Variants in IARS1 observed in about 807,000 individuals in gnomAD.
IARS1 encodes isoleucine--tRNA ligase, cytoplasmic.
A neutral mutation model predicts 168.2 loss-of-function variants in IARS1; 124 were observed. That is an observed-to-expected ratio of 0.74 (90% CI 0.64 to 0.86). IARS1 has a LOEUF of 0.86. Ranked by LOEUF, IARS1 falls within the 40% of genes least tolerant of loss-of-function variation. The pLI is 0.00. For synonymous variants in IARS1, 532 were observed against 529.4 expected, an observed-to-expected ratio of 1.00 and a Z score of -0.07; for missense variants, 1,452 against 1,515.8, an observed-to-expected ratio of 0.96 and a Z score of 0.70.
intron 6 of IARS1, among the ~76,000 whole-genome samples, chr9:92,282,075 C>A (rs886870377): frequency 6.6e-6 from 1 of 152,088 alleles, no homozygotes; most frequent in South Asian, 2.1e-4. Flanking sequence ...TTTTCTAACT[C>A]CAGTTATTTC....
intron 13 of IARS1, among the ~76,000 whole-genome samples, chr9:92,268,698 C>G (rs768775560): frequency 6.6e-6 from 1 of 152,234 alleles, no homozygotes; most frequent in Non-Finnish European, 1.5e-5. Context: ...GGTAGCTGCT[C>G]TAGCAGCCCT....
rs749705024 is a variant in IARS1, at chr9:92,286,615, T to C, written c.400A>G (p.Thr134Ala). ...ATCCATCGGCCAAGTCTGCTAACAG[T>C]AGACTTTAAAATATTAATATTAGAA... ...VMRYSAEWKS[T>A]VSRLGRWIDF... Residue 134 changes from threonine to alanine, a missense_variant, in exon 5 of 34, where the codon ACT (threonine) becomes GCT (alanine). Coordinates refer to ENST00000443024, the MANE Select transcript of IARS1 (RefSeq NM_002161.6). 11 of 1,511,438 alleles carry C rather than the reference T, an allele frequency of 7.3e-6. No homozygotes were observed. The highest frequency in any genetic ancestry group is 1.8e-6 in the Non-Finnish European group (2 of 1,087,172). 93.6% of individuals were successfully genotyped at this position (1,511,438 alleles called of 1,614,324 possible).
intron 17 of IARS1, among the ~76,000 whole-genome samples, chr9:92,261,317 GAA>G (rs71362375): frequency 6.7e-6 from 1 of 149,332 alleles, no homozygotes; most frequent in Non-Finnish European, 1.5e-5. Context: ...TCAAAAAAAA[GAA>G]AAAAAAAGCC....
chr9:92,233,272 T>C (rs1826993503), intron 30 of IARS1, among the ~76,000 whole-genome samples: 1 of 152,250 alleles, frequency 6.6e-6, no homozygotes, highest in Non-Finnish European at 1.5e-5. Context: ...AAATGCTGTA[T>C]ACCACAGAAA....
At chr9:92,213,594 G>C (rs1024497131) in intron 33 of IARS1, among the ~76,000 whole-genome samples, 1 of 152,188 alleles carries the variant, frequency 6.6e-6, no homozygotes, top group African/African-American at 2.4e-5. Context: ...TTCTCCCACA[G>C]AGCCTTCAGA....
At chr9:92,269,643 C>A (rs747240409) in intron 13 of IARS1, among the ~76,000 whole-genome samples, 4 of 152,218 alleles carry the variant, frequency 2.6e-5, no homozygotes, top group Non-Finnish European at 4.4e-5. Context: ...GGTGGTTTAT[C>A]ATTTCCAATG....
chr9:92,243,371 C>G (rs1437079193), intron 27 of IARS1, 60 bp from the exon 28 acceptor site: 2 of 1,163,900 alleles, frequency 1.7e-6, no homozygotes, highest in African/African-American at 3.0e-5. Context: ...TTCTTCCCAA[C>G]TCAGCAAAAT....
intron 30 of IARS1, among the ~76,000 whole-genome samples, chr9:92,234,343 T>C (rs1450681985): frequency 6.6e-6 from 1 of 152,206 alleles, no homozygotes; most frequent in Non-Finnish European, 1.5e-5. Flanking sequence ...TCCCTCATAA[T>C]ATGAATGCTT....
chr9:92,215,133 A>T (rs1838435402), intron 33 of IARS1, among the ~76,000 whole-genome samples: 1 of 152,216 alleles, frequency 6.6e-6, no homozygotes, highest in South Asian at 2.1e-4. Flanking sequence ...CGAGCAGCCT[A>T]TCTGGGAGGC....
In IARS1 at chr9:92,250,721, G is replaced by A. The variant is rs779794076; in HGVS notation, c.2421C>T (p.Pro807=). Residue 807 remains proline (P), a synonymous_variant, in exon 23 of 34, where the codon CCC becomes CCT. Coordinates refer to ENST00000443024, the MANE Select transcript of IARS1 (RefSeq NM_002161.6). ...TTCTATTTGAGTCCTACCGAACACGGGGCAGCATGAGGTAGTGAATGCTGA... is the reference window on the plus strand; with the variant it reads ...TTCTATTTGAGTCCTACCGAACACGAGGCAGCATGAGGTAGTGAATGCTGA... ...DTLSIHYLML[P]RVREELIDKK... 3.7e-6 allele frequency: 6 copies of A among 1,608,562 alleles called. No homozygotes were observed. The highest frequency in any genetic ancestry group is 4.2e-6 in the Non-Finnish European group (5 of 1,177,470).
At chr9:92,290,854 A>T (rs73516586) in intron 1 of IARS1, among the ~76,000 whole-genome samples, 4,709 of 152,254 alleles carry the variant, frequency 0.031, 261 homozygotes, top group African/African-American at 0.11. Flanking sequence ...ACATGACAGA[A>T]ATCAGTTCTC....
At chr9:92,216,988 C>T (rs1447117017) in intron 33 of IARS1, among the ~76,000 whole-genome samples, 1 of 150,898 alleles carries the variant, frequency 6.6e-6, no homozygotes, top group Admixed American at 6.6e-5. Flanking sequence ...CAGCACCACA[C>T]CACACCTATT....
At chr9:92,250,669 C>T in intron 23 of IARS1, 44 bp downstream of exon 23, 1 of 1,510,742 alleles carries the variant, frequency 6.6e-7, no homozygotes, top group Non-Finnish European at 9.0e-7. Context: ...GAGCAACTCT[C>T]CCCTCCTTGG....
At position 92,222,519 on chromosome 9, in the gene IARS1, C is replaced by T. The variant is rs555475741; in HGVS notation, c.3706+1G>A. The T allele has an allele frequency of 6.2e-7, 1 of 1,613,488 alleles. No individual in the cohort carries two copies. The highest frequency in any genetic ancestry group is 1.1e-5 in the South Asian group (1 of 90,942). On this transcript the variant is annotated splice_donor_variant, in intron 33 of 33. Coordinates refer to ENST00000443024, the MANE Select transcript of IARS1 (RefSeq NM_002161.6). LOFTEE classifies it high-confidence loss of function. ...AAACTTACGGTCCACAATCTCCTTACCCTGCGTTTGGGTCTCATTCAGAAA... is the reference window on the plus strand; with the variant it reads ...AAACTTACGGTCCACAATCTCCTTATCCTGCGTTTGGGTCTCATTCAGAAA...
At chr9:92,268,391 T>C (rs1410012591) in intron 13 of IARS1, 91 bp from the exon 14 acceptor site, 4 of 1,310,532 alleles carry the variant, frequency 3.1e-6, no homozygotes, top group Non-Finnish European at 4.3e-6. Flanking sequence ...GTATAACGCT[T>C]TGTGGACCAA....
At chr9:92,229,559 A>G (rs1325064156) in intron 30 of IARS1, among the ~76,000 whole-genome samples, 1 of 152,126 alleles carries the variant, frequency 6.6e-6, no homozygotes, top group Non-Finnish European at 1.5e-5. Flanking sequence ...CCCACAGGTC[A>G]CGATGGTTAA....
In IARS1 at chr9:92,262,993, A is replaced by G. The variant is rs1365069994; in HGVS notation, c.1763T>C (p.Ile588Thr). The change falls in exon 17 of 34, where the codon ATT (isoleucine) becomes ACT (threonine). Residue 588 changes from isoleucine to threonine, a missense_variant. By Grantham distance (89) the Ile-to-Thr change is moderately conservative (BLOSUM62 -1). Transcript: ENST00000443024. ...CCTTGCCAGGACAAGCCCATTCACA[A>G]TTACGTTCTTGAAAGGCGGTTGTCC... ...LFGQPPFKNVIVNGLVLASDG... is the reference protein window; with the variant it reads ...LFGQPPFKNVTVNGLVLASDG... 4 of 1,613,932 alleles carry G rather than the reference A, an allele frequency of 2.5e-6. No homozygotes were observed. The highest frequency in any genetic ancestry group is 1.7e-5 in the Admixed American group (1 of 60,002).
intron 30 of IARS1, among the ~76,000 whole-genome samples, chr9:92,239,870 G>A (rs1316932756): frequency 1.3e-5 from 2 of 152,112 alleles, no homozygotes; most frequent in African/African-American, 2.4e-5. Flanking sequence ...TTTTTTCTAT[G>A]GTGTCTGGCT....
At chr9:92,224,832 C>CAAAAAATAAAAAAT (rs55925549) in intron 31 of IARS1, among the ~76,000 whole-genome samples, 16 of 148,590 alleles carry the variant, frequency 1.1e-4, no homozygotes, top group Admixed American at 2.7e-4. Flanking sequence ...GACCCTGTCT[C>CAAAAAATAAAAAAT]AAAAAATAAA....
Sources: gnomAD v4.1 joint callset for allele counts (sites outside exome capture counted in the v4.1 genomes callset) on GRCh38, gnomAD v4.1.1 for gene constraint, MANE v1.5 for transcripts, NCBI Gene and HGNC (gene_info 2026-07-23, HGNC 2026-07-21) for gene names.